The following PCID2 variants were observed in gnomAD, a reference collection of about 807,000 sequenced individuals.
The protein encoded by PCID2 is PCI domain containing 2.
Under a neutral mutation model 61.3 loss-of-function variants are expected in PCID2, and 41 were observed. The ratio of observed to expected loss-of-function variants is 0.67; its 90% CI spans 0.52 to 0.87. The LOEUF is 0.87. Among genes scored for constraint, PCID2 ranks in the 40% least tolerant of loss-of-function variants. PCID2 has a pLI of 0.00. For missense variants in PCID2, 392 were observed against 493.4 expected, an observed-to-expected ratio of 0.79 and a Z score of 1.95; for synonymous variants, 187 against 177.8, an observed-to-expected ratio of 1.05 and a Z score of -0.41.
chr13:113,166,021 T>C, the PCID2 span: 1 of 152,260 alleles, frequency 6.6e-6, no homozygotes, highest in African/African-American at 2.4e-5. Context: ...ATATTACGAT[T>C]TTTGTTATTA....
chr13:113,166,874 G>A, the PCID2 span, among the ~76,000 whole-genome samples: 7 of 152,080 alleles, frequency 4.6e-5, no homozygotes, highest in South Asian at 2.1e-4. Flanking sequence ...AAGAGAGGGT[G>A]CGGTTCTAGT....
At position 113,178,281 on chromosome 13, in the gene PCID2, C is replaced by G. The variant is rs371915766; in HGVS notation, c.1117G>C (p.Val373Leu). 3.0e-5 allele frequency: 48 copies of G among 1,612,478 alleles called. No individual in the cohort carries two copies. Among genetic ancestry groups the G allele is most frequent in the Non-Finnish European group, 4.1e-5 (48 of 1,178,852 alleles). The change falls in exon 14 of 14, where the codon GTC (valine) becomes CTC (leucine). Residue 373 changes from valine to leucine, a missense_variant. This residue lies in a region of PCID2 where 226 missense variants were observed against 296.5 expected (regional missense o/e 0.76). Coordinates refer to ENST00000337344, the MANE Select transcript of PCID2 (RefSeq NM_001127202.4). The stretch of plus-strand genomic sequence containing the variant: ...TGCTGATGCGATATGTAGCCTTTGA[C>G]GTGTCCCTGCGGGGCAGAAAGGGAG... Reference protein sequence around the residue: ...ILANLIYMGHVKGYISHQHQK... With the variant: ...ILANLIYMGHLKGYISHQHQK...
chr13:113,167,831 TTTTA>T, the PCID2 span, among the ~76,000 whole-genome samples: 2 of 151,680 alleles, frequency 1.3e-5, no homozygotes, highest in East Asian at 3.9e-4. Flanking sequence ...TCTTGCTATC[TTTTA>T]TTTTTCTTAT....
At chr13:113,208,429 C>G in intron 1 of PCID2, 170 bp downstream of exon 1, 1 of 1,498,908 alleles carries the variant, frequency 6.7e-7, no homozygotes, top group Non-Finnish European at 8.9e-7. Context: ...GCCGCCTTCC[C>G]GAGTCCCGGC....
chr13:113,189,760 C>G (rs568811039), intron 7 of PCID2, among the ~76,000 whole-genome samples: 3 of 149,400 alleles, frequency 2.0e-5, no homozygotes, highest in Non-Finnish European at 4.4e-5. Context: ...CAGTGGCTCA[C>G]GCCTATAATC....
At chr13:113,197,006 T>C (rs1336218004) in intron 4 of PCID2, 172 bp downstream of exon 4, 1 of 1,591,852 alleles carries the variant, frequency 6.3e-7, no homozygotes. Context: ...AGATCCATGC[T>C]AAATTTAAGT....
intron 13 of PCID2, 26 bp from the exon 14 acceptor site, chr13:113,178,313 GT>G: frequency 6.4e-7 from 1 of 1,572,408 alleles, no homozygotes. Flanking sequence ...GGAGGAATGC[GT>G]TTACATTTTT....
the PCID2 span, chr13:113,165,066 C>T: frequency 3.2e-5 from 51 of 1,613,222 alleles, no homozygotes; most frequent in Middle Eastern, 1.6e-4. Flanking sequence ...AGTGTGCCTG[C>T]GGGGTGCTGA....
intron 5 of PCID2, 29 bp downstream of exon 5, chr13:113,196,152 C>T (rs779147665): frequency 1.3e-6 from 2 of 1,574,082 alleles, no homozygotes; most frequent in African/African-American, 1.3e-5. Context: ...TTGCCATTTG[C>T]TAATTCAGCT....
At position 113,187,533 on chromosome 13, in the gene PCID2, A is replaced by G. The variant is rs529909944; in HGVS notation, c.468-1973T>C. 3 of 152,152 alleles carry G rather than the reference A, an allele frequency of 2.0e-5. No individual in the cohort carries two copies. The South Asian group carries it at 6.2e-4, about 31-fold the overall frequency. The allele number at this position is 152,152 out of a possible 1,614,324, so 9.4% of individuals were successfully genotyped here. Reference sequence around the variant, plus strand: ...CACTGGGTGTGGCCTGGCAGCTCTCAGAGGTTCTGATGTGCATTTCAAGTG... The same window carrying G: ...CACTGGGTGTGGCCTGGCAGCTCTCGGAGGTTCTGATGTGCATTTCAAGTG... On this transcript the variant is annotated intron_variant, in intron 7 of 13. Transcript: ENST00000337344.
the PCID2 span, among the ~76,000 whole-genome samples, chr13:113,168,217 G>A: frequency 3.5e-4 from 53 of 152,326 alleles, no homozygotes; most frequent in African/African-American, 1.1e-3. Flanking sequence ...AGTGGAATGC[G>A]GATAAATATT....
chr13:113,194,391 A>C (rs1016776882), intron 6 of PCID2, among the ~76,000 whole-genome samples: 1 of 151,788 alleles, frequency 6.6e-6, no homozygotes, highest in Non-Finnish European at 1.5e-5. Flanking sequence ...ACAAAAAGGA[A>C]ACCTGGAGAC....
downstream of PCID2, among the ~76,000 whole-genome samples, chr13:113,174,596 T>G (rs73579001): frequency 6.6e-6 from 1 of 152,154 alleles, no homozygotes; most frequent in Non-Finnish European, 1.5e-5. Context: ...CTGGGCTCAA[T>G]TGACCCTCCC....
At chr13:113,183,828 C>T (rs749397673) in intron 9 of PCID2, 98 of 985,140 alleles carry the variant, frequency 9.9e-5, no homozygotes, top group African/African-American at 1.0e-4. Context: ...GGCAGCGACA[C>T]GCCGTGCGAG....
chr13:113,171,018 G>A, the PCID2 span, among the ~76,000 whole-genome samples: 1 of 151,968 alleles, frequency 6.6e-6, no homozygotes, highest in Non-Finnish European at 1.5e-5. The surrounding 1 kb of genome is among the most constrained non-coding windows in gnomAD (Gnocchi z 5.1). Context: ...TGCCTCCTGG[G>A]TTCAAGCGAT....
the PCID2 span, among the ~76,000 whole-genome samples, chr13:113,170,767 T>C: frequency 1.1e-4 from 17 of 152,022 alleles, no homozygotes; most frequent in African/African-American, 4.1e-4. Flanking sequence ...AATCACAGCC[T>C]ACATAAGGAT....
chr13:113,202,710 T>C (rs2039516701), intron 1 of PCID2, among the ~76,000 whole-genome samples: 2 of 152,200 alleles, frequency 1.3e-5, no homozygotes, highest in Admixed American at 1.3e-4. Flanking sequence ...GTGTGTCACA[T>C]GTACATCCCA....
intron 6 of PCID2, among the ~76,000 whole-genome samples, chr13:113,192,482 C>A (rs1218063187): frequency 6.6e-6 from 1 of 152,098 alleles, no homozygotes; most frequent in Non-Finnish European, 1.5e-5. Flanking sequence ...ACACAGCTAC[C>A]CAGGCTTGGG....
chr13:113,167,783 T>C, the PCID2 span, among the ~76,000 whole-genome samples: 1 of 152,154 alleles, frequency 6.6e-6, no homozygotes, highest in Non-Finnish European at 1.5e-5. Flanking sequence ...ATTTTACATT[T>C]ATTGTAATTG....
Sources: gnomAD v4.1 joint callset for allele counts (sites outside exome capture counted in the v4.1 genomes callset) on GRCh38, gnomAD v4.1.1 for gene constraint, gnomAD v4.1.1 regional missense constraint, Gnocchi (gnomAD v3.1) non-coding constraint, MANE v1.5 for transcripts, NCBI Gene and HGNC (gene_info 2026-07-23, HGNC 2026-07-21) for gene names.